The following PIGN variants were observed in gnomAD, a reference collection of about 807,000 sequenced individuals.
The protein encoded by PIGN is GPI ethanolamine phosphate transferase 1.
A neutral mutation model predicts 125.4 loss-of-function variants in PIGN; 117 were observed. The observed-to-expected ratio is 0.93, with a 90% CI of 0.80 to 1.09. The LOEUF is 1.09. Ranked by LOEUF, PIGN falls within the 50% of genes least tolerant of loss-of-function variation. PIGN has a pLI of 0.00. For missense variants in PIGN, 1,075 were observed against 1,094.9 expected, an observed-to-expected ratio of 0.98 and a Z score of 0.26; for synonymous variants, 392 against 377.8, an observed-to-expected ratio of 1.04 and a Z score of -0.44.
chr18:62,165,311 C>A (rs2037092660), intron 1 of PIGN, among the ~76,000 whole-genome samples: 1 of 152,182 alleles, frequency 6.6e-6, no homozygotes, highest in Non-Finnish European at 1.5e-5. Flanking sequence ...AACTGCCTAG[C>A]CTGTAGAACT....
intron 23 of PIGN, among the ~76,000 whole-genome samples, chr18:62,022,860 C>A (rs4941097): frequency 0.42 from 64,046 of 151,812 alleles, 15,175 homozygotes; most frequent in African/African-American, 0.64. Flanking sequence ...CCAGAATCTG[C>A]AGGTGCTCAA....
chr18:62,167,679 ACTCT>A (rs148742862), intron 1 of PIGN, among the ~76,000 whole-genome samples: 23 of 141,388 alleles, frequency 1.6e-4, no homozygotes, highest in Admixed American at 2.8e-4. Context: ...TCCATAACAC[ACTCT>A]CTCTCTCTCT....
rs2036202111 is a variant in PIGN, at chr18:62,143,301, G to A, written c.963+5C>T. On this transcript the variant is annotated splice_donor_5th_base_variant and intron_variant, in intron 11 of 30. Transcript: ENST00000640252. ...ATTTGAATGTAATAAAATCGAACTG[G>A]ATACCTGATTGACATCTAGCCTCTT... The A allele has an allele frequency of 6.8e-7, 1 of 1,470,582 alleles. No individual in the cohort carries two copies. The highest frequency in any genetic ancestry group is 1.4e-5 in the African/African-American group (1 of 71,872). The allele number at this position is 1,470,582 out of a possible 1,614,324, so 91.1% of individuals were successfully genotyped here.
At chr18:62,176,762 T>C (rs934585280) in intron 1 of PIGN, among the ~76,000 whole-genome samples, 11 of 152,068 alleles carry the variant, frequency 7.2e-5, no homozygotes, top group Non-Finnish European at 1.3e-4. Flanking sequence ...GGAAACCGGA[T>C]GAGAAAATAG....
intron 1 of PIGN, among the ~76,000 whole-genome samples, chr18:62,169,803 A>G (rs770708338): frequency 4.0e-5 from 6 of 151,548 alleles, no homozygotes; most frequent in African/African-American, 7.3e-5. Context: ...AATTTTTCGT[A>G]GAGATGGGGG....
At chr18:62,069,327 C>A (rs951071063) in intron 30 of PIGN, 4 of 152,162 alleles carry the variant, frequency 2.6e-5, no homozygotes, top group Non-Finnish European at 2.9e-5. Flanking sequence ...CTTCTTCATT[C>A]CTTGGCACCT....
intron 4 of PIGN, 108 bp downstream of exon 4, chr18:62,161,025 C>T: frequency 1.5e-6 from 1 of 665,276 alleles, no homozygotes. Context: ...TTCTCTTTCT[C>T]ATCATCACCC....
At chr18:62,138,029 A>T (rs2035998260) in intron 14 of PIGN, 1 of 589,994 alleles carries the variant, frequency 1.7e-6, no homozygotes, top group Non-Finnish European at 2.8e-6. Flanking sequence ...GTATCTCTCC[A>T]TTCCCTCATC....
rs145949570 is a variant in PIGN, at chr18:62,057,526, C to T, written c.2673-11547G>A. Among the ~76,000 whole-genome samples, 413 of 152,334 alleles carry T rather than the reference C, an allele frequency of 2.7e-3. 3 individuals carry two copies. The highest frequency in any genetic ancestry group is 9.6e-3 in the African/African-American group (401 of 41,572). ...CTAAACTGCCATCATCTCTAGCTTA[C>T]GATACCACGAAAGCCTCTTCCTCAA... is the stretch of plus-strand genomic sequence containing the variant. On this transcript the variant is annotated intron_variant, in intron 30 of 30. Transcript: ENST00000640252.
chr18:62,089,014 T>C (rs537145208), intron 24 of PIGN, among the ~76,000 whole-genome samples, 172 bp from the exon 25 acceptor site: 1 of 152,138 alleles, frequency 6.6e-6, no homozygotes, highest in Admixed American at 6.5e-5. Context: ...TAATTACACC[T>C]TAATAAAATG....
chr18:62,055,169 G>A (rs962697834), intron 30 of PIGN, among the ~76,000 whole-genome samples: 1 of 152,170 alleles, frequency 6.6e-6, no homozygotes, highest in African/African-American at 2.4e-5. Context: ...TTCTGAGCAT[G>A]CATGCCAGAG....
In PIGN at chr18:62,085,140, A is replaced by G. The variant is rs2033637215; in HGVS notation, c.2426+69T>C. On this transcript the variant is annotated intron_variant, in intron 26 of 30. Transcript: ENST00000640252. ...AAAAAAAATAATAAGGTACAGAACA[A>G]AAGGTATAGAAGTCCCAGGTTGCAT... The G allele has an allele frequency of 1.3e-5, 11 of 858,746 alleles. No individual in the cohort carries two copies. In the South Asian group the frequency reaches 1.7e-4, roughly 14 times the overall value. 53.2% of individuals were successfully genotyped at this position (858,746 alleles called of 1,614,324 possible).
At chr18:62,051,244 T>C (rs2031257255) in intron 30 of PIGN, among the ~76,000 whole-genome samples, 1 of 152,236 alleles carries the variant, frequency 6.6e-6, no homozygotes, top group Non-Finnish European at 1.5e-5. Context: ...TTCCCTCTTT[T>C]TCTATTGATT....
Position 62,109,946 on chromosome 18 carries a change from A to T in PIGN, c.1462T>A (p.Phe488Ile), listed in dbSNP as rs1456281571. Residue 488 changes from phenylalanine to isoleucine, a missense_variant, in exon 17 of 31, where the codon TTT (phenylalanine) becomes ATT (isoleucine). Transcript: ENST00000640252. ...GCTACTAAAATGCCAATAGCTACAA[A>T]ACTACAAGGCAGGAGATGGCTTGGT... is the stretch of plus-strand genomic sequence containing the variant. ...KKPSHLLPCS[F>I]VAIGILVAFF... The T allele has an allele frequency of 1.2e-6, 2 of 1,613,376 alleles. No homozygotes were observed. Among genetic ancestry groups the T allele is most frequent in the Non-Finnish European group, 1.7e-6 (2 of 1,179,586 alleles).
chr18:62,116,832 A>G (rs1026977123), intron 14 of PIGN, among the ~76,000 whole-genome samples: 3 of 152,152 alleles, frequency 2.0e-5, no homozygotes, highest in Non-Finnish European at 4.4e-5. Context: ...GCCATTTGTA[A>G]TGTACCTAAA....
At chr18:62,128,290 A>C (rs2035610334) in intron 14 of PIGN, among the ~76,000 whole-genome samples, 1 of 152,194 alleles carries the variant, frequency 6.6e-6, no homozygotes. Flanking sequence ...TGACAAACTG[A>C]GGACTTTCAG....
chr18:62,165,758 G>C (rs1277565345), intron 1 of PIGN, among the ~76,000 whole-genome samples: 2 of 152,154 alleles, frequency 1.3e-5, no homozygotes, highest in African/African-American at 4.8e-5. Flanking sequence ...AAGCGTGAAG[G>C]GTGTGGTTAA....
chr18:62,151,689 C>A (rs1207309503), intron 7 of PIGN, among the ~76,000 whole-genome samples: 1 of 152,236 alleles, frequency 6.6e-6, no homozygotes, highest in Admixed American at 6.5e-5. Context: ...CTTTCCCGTT[C>A]TAAAGTTTTT....
intron 14 of PIGN, chr18:62,136,839 C>G (rs1363367127): frequency 2.6e-6 from 1 of 377,810 alleles, no homozygotes; most frequent in Non-Finnish European, 4.7e-6. Flanking sequence ...TAGTGCAGAG[C>G]CAGGTCTGTG....
Sources: gnomAD v4.1 joint callset for allele counts (sites outside exome capture counted in the v4.1 genomes callset) on GRCh38, gnomAD v4.1.1 for gene constraint, MANE v1.5 for transcripts, NCBI Gene and HGNC (gene_info 2026-07-23, HGNC 2026-07-21) for gene names.